Variants in ZNF208 observed in about 807,000 individuals in gnomAD.
The protein encoded by ZNF208 is zinc finger protein 208.
In ZNF208, 10 loss-of-function variants were observed where a neutral mutation model predicts 12.1. That is an observed-to-expected ratio of 0.83 (90% CI 0.51 to 1.40). The LOEUF (loss-of-function observed/expected upper bound fraction) is 1.40, where lower values mean the gene tolerates loss of function less well. Among genes scored for constraint, ZNF208 ranks in the 40% most tolerant of loss-of-function variants. The probability of loss-of-function intolerance (pLI) is 0.00; values close to 1 mark genes in which losing one functional copy is unlikely to be tolerated. For synonymous variants in ZNF208, 497 were observed against 488.4 expected, an observed-to-expected ratio of 1.02 and a Z score of -0.23; for missense variants, 1,652 against 1,485.0, an observed-to-expected ratio of 1.11 and a Z score of -1.85.
At chr19:21,944,959 C>G (rs1969794362) in intron 4 of ZNF208, among the ~76,000 whole-genome samples, 1 of 152,210 alleles carries the variant, frequency 6.6e-6, no homozygotes, top group Admixed American at 6.5e-5. Context: ...AAGCAAAGCT[C>G]TCTCCAATAG....
At position 21,968,340 on chromosome 19, in the gene ZNF208, ATT is replaced by A. The variant is rs1326174821; in HGVS notation, c.*2849_*2850del. 6.6e-6 allele frequency: 1 copy of A among 152,182 alleles called. No individual in the cohort carries two copies. Among genetic ancestry groups the A allele is most frequent in the East Asian group, 1.9e-4 (1 of 5,170 alleles). 9.4% of individuals were successfully genotyped at this position (152,182 alleles called of 1,614,324 possible). A position where few individuals can be genotyped will look rare whatever the true frequency, so the allele number is the denominator to read the frequency against. ...TCTTTTAGTATGATGTTGGCTAAGG[ATT>A]TGTCATAGATGACTCTTATTAAGAT... On this transcript the variant is annotated 3_prime_UTR_variant, in exon 4 of 4. Transcript: ENST00000397126.
At chr19:21,948,863 G>C (rs1969852234) in intron 4 of ZNF208, among the ~76,000 whole-genome samples, 1 of 152,134 alleles carries the variant, frequency 6.6e-6, no homozygotes, top group Non-Finnish European at 1.5e-5. Context: ...AGGGAAAAAA[G>C]AGACAGAATC....
At chr19:21,964,015 T>C (rs1160219131), downstream of ZNF208, among the ~76,000 whole-genome samples, 1 of 151,958 alleles carries the variant, frequency 6.6e-6, no homozygotes, top group African/African-American at 2.4e-5. Flanking sequence ...ACAAAAATGA[T>C]AGGTGAGTTC....
intron 3 of ZNF208, among the ~76,000 whole-genome samples, chr19:21,986,066 T>C (rs1970624797): frequency 6.6e-6 from 1 of 152,224 alleles, no homozygotes; most frequent in African/African-American, 2.4e-5. Flanking sequence ...AACCAGTTTA[T>C]AAAAACTTTA....
chr19:22,010,553 C>T (rs775691609), intron 1 of ZNF208, among the ~76,000 whole-genome samples: 39 of 152,218 alleles, frequency 2.6e-4, no homozygotes, highest in Non-Finnish European at 3.2e-4. Flanking sequence ...AGAGCGGCCC[C>T]AAGAGGGCTC....
intron 4 of ZNF208, among the ~76,000 whole-genome samples, chr19:21,947,006 A>C (rs573515177): frequency 5.6e-5 from 8 of 141,824 alleles, no homozygotes; most frequent in Non-Finnish European, 1.1e-4. Context: ...AATTTCTCCT[A>C]TTCATTCTTT....
chr19:21,953,425 C>G (rs1204456931), intron 4 of ZNF208, among the ~76,000 whole-genome samples: 3 of 152,028 alleles, frequency 2.0e-5, no homozygotes, highest in Non-Finnish European at 4.4e-5. Context: ...GGTCAGGTTA[C>G]CCCCAAAAGG....
rs1249390550 is a variant in ZNF208 at position 21,972,862 on chromosome 19, T to C, written c.2172A>G (p.Glu724=). 1 of 1,613,196 alleles carries C rather than the reference T, an allele frequency of 6.2e-7. No individual in the cohort carries two copies. The highest frequency in any genetic ancestry group is 1.7e-5 in the Admixed American group (1 of 59,930). Residue 724 remains glutamate (E), a synonymous_variant, in exon 4 of 4, where the codon GAA becomes GAG. Transcript: ENST00000397126. ...ATGTACTAAAGCTTTTGCCACATTC[T>C]TCACATTTGTAGGGTTTCTCTCCAG... is the stretch of plus-strand genomic sequence containing the variant. ...IHTGEKPYKC[E]ECGKSFSTFS...
Position 21,972,685 on chromosome 19 carries a change from G to A in ZNF208, c.2349C>T (p.Gly783=). ...VEKPYKCEEC[G]KAFNRSAILI... is the part of the protein sequence containing the mutation. ...GGATTGCAGATCGGTTAAAAGCTTTGCCACATTCTTCACATTTGTAGGGTT... is the reference window on the plus strand; with the variant it reads ...GGATTGCAGATCGGTTAAAAGCTTTACCACATTCTTCACATTTGTAGGGTT... Residue 783 remains glycine (G), a synonymous_variant, in exon 4 of 4, where the codon GGC becomes GGT. Coordinates refer to ENST00000397126, the MANE Select transcript of ZNF208 (RefSeq NM_007153.3). 1 of 1,590,324 alleles carries A rather than the reference G, an allele frequency of 6.3e-7. No homozygotes were observed.
intron 4 of ZNF208, chr19:21,941,359 G>A: frequency 2.5e-6 from 1 of 398,894 alleles, no homozygotes; most frequent in South Asian, 1.3e-4. Context: ...CTTAGTGACA[G>A]AACGAAAGGA....
At chr19:21,983,373 G>A (rs1215971681) in intron 3 of ZNF208, among the ~76,000 whole-genome samples, 1 of 152,134 alleles carries the variant, frequency 6.6e-6, no homozygotes, top group African/African-American at 2.4e-5. Flanking sequence ...TGGAGATGTG[G>A]AGAAGTAGAA....
At chr19:21,996,385 G>A (rs1309493699) in intron 1 of ZNF208, among the ~76,000 whole-genome samples, 1 of 152,080 alleles carries the variant, frequency 6.6e-6, no homozygotes, top group Non-Finnish European at 1.5e-5. Context: ...TAAGGATATG[G>A]AATATAGTGT....
At chr19:21,947,132 G>A (rs1178753614) in intron 4 of ZNF208, among the ~76,000 whole-genome samples, 4 of 152,014 alleles carry the variant, frequency 2.6e-5, no homozygotes, top group Non-Finnish European at 5.9e-5. Context: ...TAATTTCCTA[G>A]CAACAGGGCG....
At chr19:21,977,162 G>A (rs1476836561) in intron 3 of ZNF208, among the ~76,000 whole-genome samples, 2 of 152,142 alleles carry the variant, frequency 1.3e-5, no homozygotes, top group African/African-American at 4.8e-5. Flanking sequence ...TCACACATTA[G>A]GATTACAAAT....
At position 21,972,189 on chromosome 19, in the gene ZNF208, C is replaced by T. The variant is rs1970303388; in HGVS notation, c.2845G>A (p.Ala949Thr). ...GATGACTTATAGGCTTTGCCACATG[C>T]TTCACATTTGTAGAATTTCTCTCCA... ...HAGEKFYKCE[A>T]CGKAYKSSST... The change falls in exon 4 of 4, where the codon GCA (alanine) becomes ACA (threonine). Residue 949 changes from alanine (A) to threonine (T), a missense_variant. This residue lies in a region of ZNF208 where 1,239 missense variants were observed against 1,086.2 expected (regional missense o/e 1.14). Transcript: ENST00000397126. 1.2e-6 allele frequency: 2 copies of T among 1,608,668 alleles called. No individual in the cohort carries two copies. Among genetic ancestry groups the T allele is most frequent in the East Asian group, 2.3e-5 (1 of 44,274 alleles).
At chr19:21,984,610 C>T (rs996443898) in intron 3 of ZNF208, among the ~76,000 whole-genome samples, 12 of 152,002 alleles carry the variant, frequency 7.9e-5, no homozygotes, top group African/African-American at 2.9e-4. Flanking sequence ...ACAAAACACT[C>T]GAGCATGCTC....
intron 1 of ZNF208, among the ~76,000 whole-genome samples, chr19:22,000,756 A>G (rs1299262274): frequency 2.0e-5 from 3 of 152,178 alleles, no homozygotes; most frequent in African/African-American, 4.8e-5. Context: ...ACAAAATATC[A>G]AGAGATCCAG....
intron 4 of ZNF208, chr19:21,940,273 G>A (rs1449933332): frequency 6.6e-6 from 1 of 152,054 alleles, no homozygotes; most frequent in African/African-American, 2.4e-5. Context: ...TTTGTAAATG[G>A]TCAAGCTATG....
intron 1 of ZNF208, among the ~76,000 whole-genome samples, chr19:21,996,164 C>G (rs1466327608): frequency 6.6e-6 from 1 of 152,098 alleles, no homozygotes; most frequent in East Asian, 1.9e-4. Context: ...CATAAGCAGA[C>G]AGTTTATTTG....
Sources: allele counts gnomAD v4.1 joint callset (sites outside exome capture counted in the v4.1 genomes callset), GRCh38; gene constraint gnomAD v4.1.1; regional missense constraint gnomAD v4.1.1; transcripts MANE v1.5; gene names NCBI Gene and HGNC (gene_info 2026-07-23, HGNC 2026-07-21).